Variants in CEP162 observed in about 807,000 individuals in gnomAD.
CEP162 encodes the protein centrosomal protein of 162 kDa.
CEP162 carries 141 observed loss-of-function variants against 169.2 expected under a neutral mutation model. That is an observed-to-expected ratio of 0.83 (90% CI 0.73 to 0.96). The LOEUF (loss-of-function observed/expected upper bound fraction) is 0.96. Ranked by LOEUF, CEP162 falls within the 40% of genes least tolerant of loss-of-function variation. The pLI, the probability that CEP162 is intolerant of heterozygous loss-of-function variation, is 0.00. For synonymous variants in CEP162, 540 were observed against 526.4 expected, an observed-to-expected ratio of 1.03 and a Z score of -0.35; for missense variants, 1,600 against 1,587.2, an observed-to-expected ratio of 1.01 and a Z score of -0.14.
At chr6:84,126,258 A>C in intron 26 of CEP162, 120 bp downstream of exon 26, 1 of 611,688 alleles carries the variant, frequency 1.6e-6, no homozygotes, top group South Asian at 5.8e-5. Flanking sequence ...TTTTAACAAG[A>C]TCAAAATACA....
intron 21 of CEP162, among the ~76,000 whole-genome samples, chr6:84,157,452 A>G (rs1460797500): frequency 3.9e-5 from 6 of 152,152 alleles, no homozygotes. Context: ...CGGGTGGATC[A>G]CTTGAGGTCA....
At chr6:84,158,745 T>G (rs181938552) in intron 21 of CEP162, among the ~76,000 whole-genome samples, 1 of 152,134 alleles carries the variant, frequency 6.6e-6, no homozygotes, top group Admixed American at 6.5e-5. Flanking sequence ...GTTTTATAAA[T>G]GTAACATTTT....
rs946831925 is a variant in CEP162 at position 84,144,034 on chromosome 6, C to A, written c.3870+2653G>T. Among the ~76,000 whole-genome samples, 5 of 151,876 alleles carry A rather than the reference C, an allele frequency of 3.3e-5. No homozygotes were observed. The East Asian group carries it at 9.6e-4, about 29-fold the overall frequency. On this transcript the variant is annotated intron_variant, in intron 25 of 26. Coordinates refer to ENST00000403245, the MANE Select transcript of CEP162 (RefSeq NM_014895.4). ...GTATTGTTTCATAATGACCTGTGAT[C>A]CTATTTAATCAAATGTTTTAAACTT...
intron 25 of CEP162, among the ~76,000 whole-genome samples, chr6:84,128,301 T>C (rs2099509756): frequency 6.6e-6 from 1 of 152,202 alleles, no homozygotes; most frequent in South Asian, 2.1e-4. Context: ...AATATGTACA[T>C]ATATTTTAAA....
intron 6 of CEP162, among the ~76,000 whole-genome samples, chr6:84,205,100 A>G (rs1043081716): frequency 6.6e-6 from 1 of 152,192 alleles, no homozygotes; most frequent in Non-Finnish European, 1.5e-5. Flanking sequence ...CCAACCAAAA[A>G]AAGTCCAGGA....
chr6:84,221,591 G>A (rs993467677), intron 2 of CEP162, among the ~76,000 whole-genome samples: 1 of 152,078 alleles, frequency 6.6e-6, no homozygotes, highest in African/African-American at 2.4e-5. Flanking sequence ...GTGTAAAGAG[G>A]AGGATGAAAT....
intron 22 of CEP162, among the ~76,000 whole-genome samples, chr6:84,154,359 TCTATCTATCTATCTATCTAC>T (rs1157123912): frequency 1.4e-5 from 2 of 143,146 alleles, no homozygotes; most frequent in East Asian, 2.0e-4. Flanking sequence ...TGTCTGTCTG[TCTATCTATCTATCTATCTAC>T]CTATCTATCT....
At chr6:84,213,914 T>G (rs1470870615) in intron 5 of CEP162, among the ~76,000 whole-genome samples, 1 of 152,190 alleles carries the variant, frequency 6.6e-6, no homozygotes, top group Non-Finnish European at 1.5e-5. Context: ...ATGCTGATCA[T>G]TTTTCACCAT....
Position 84,171,699 on chromosome 6 carries a change from T to C in CEP162, c.2186A>G (p.Asn729Ser), listed in dbSNP as rs779276550. 7 of 1,497,494 alleles carry C rather than the reference T, an allele frequency of 4.7e-6. No individual in the cohort carries two copies. In the African/African-American group the frequency reaches 9.8e-5, roughly 21 times the overall value. 92.8% of individuals were successfully genotyped at this position (1,497,494 alleles called of 1,614,324 possible). The change falls in exon 17 of 27, where the codon AAT becomes AGT. Residue 729 changes from asparagine (N) to serine (S), a missense_variant. Coordinates refer to ENST00000403245, the MANE Select transcript of CEP162 (RefSeq NM_014895.4). ...GYQQENERLYNQVKDLQEQNK... is the reference protein window; with the variant it reads ...GYQQENERLYSQVKDLQEQNK... ...TTGTTCTTGGAGATCTTTTACTTGA[T>C]TATATAATCGTTCATTTTCCTTTTT...
intron 15 of CEP162, 45 bp from the exon 16 acceptor site, chr6:84,174,233 T>C: frequency 1.3e-6 from 2 of 1,510,342 alleles, no homozygotes; most frequent in Non-Finnish European, 1.8e-6. Context: ...AAGGAAATGA[T>C]AAGGTGAGAA....
intron 25 of CEP162, among the ~76,000 whole-genome samples, chr6:84,135,237 G>A (rs983036522): frequency 2.6e-5 from 4 of 152,086 alleles, no homozygotes; most frequent in African/African-American, 7.2e-5. Flanking sequence ...GACAGAAATA[G>A]CATCAATAAA....
intron 3 of CEP162, among the ~76,000 whole-genome samples, chr6:84,216,474 T>C (rs17187076): frequency 0.038 from 5,763 of 152,246 alleles, 167 homozygotes; most frequent in Admixed American, 0.092. Flanking sequence ...ATGGAATCAG[T>C]GGCTCACTGC....
At chr6:84,192,849 T>C (rs2099540472) in intron 11 of CEP162, among the ~76,000 whole-genome samples, 1 of 152,214 alleles carries the variant, frequency 6.6e-6, no homozygotes, top group African/African-American at 2.4e-5. Context: ...GTCTATGAAA[T>C]AGGGATAATA....
At position 84,146,745 on chromosome 6, in the gene CEP162, TGCA is replaced by T; in HGVS notation, c.3809_3811del (p.Leu1270del). 6.3e-7 allele frequency: 1 copy of T among 1,582,892 alleles called. No individual in the cohort carries two copies. The highest frequency in any genetic ancestry group is 8.6e-7 in the Non-Finnish European group (1 of 1,163,070). On this transcript the variant is annotated inframe_deletion, in exon 25 of 27. Coordinates refer to ENST00000403245, the MANE Select transcript of CEP162 (RefSeq NM_014895.4). ...AACTACGAGAGACTCTTGTTTACTC[TGCA>T]GCTCATTAACTTGACTTTGGAAATG...
intron 13 of CEP162, among the ~76,000 whole-genome samples, chr6:84,177,036 T>C (rs1411084289): frequency 6.6e-6 from 1 of 152,216 alleles, no homozygotes; most frequent in Non-Finnish European, 1.5e-5. Flanking sequence ...GGGGATATTT[T>C]ATGTTGTTTG....
At chr6:84,202,527 T>C (rs2099544997) in intron 7 of CEP162, among the ~76,000 whole-genome samples, 3 of 122,148 alleles carry the variant, frequency 2.5e-5, no homozygotes, top group Non-Finnish European at 3.6e-5. Context: ...TCTTTTTTTT[T>C]TTTTTTTTTT....
chr6:84,200,011 G>A (rs2099543812), intron 9 of CEP162, among the ~76,000 whole-genome samples: 1 of 152,204 alleles, frequency 6.6e-6, no homozygotes, highest in Non-Finnish European at 1.5e-5. Flanking sequence ...AGCACTTTGG[G>A]AGGCTGAGGC....
At chr6:84,182,190 T>C (rs2099535157) in intron 13 of CEP162, among the ~76,000 whole-genome samples, 1 of 152,100 alleles carries the variant, frequency 6.6e-6, no homozygotes, top group African/African-American at 2.4e-5. Context: ...ATTATATAAG[T>C]ATATACATAG....
intron 9 of CEP162, among the ~76,000 whole-genome samples, chr6:84,196,413 G>A (rs760400368): frequency 1.3e-4 from 20 of 152,078 alleles, no homozygotes; most frequent in Middle Eastern, 3.2e-3. Flanking sequence ...TTAGTCTTGG[G>A]TATGTCTTTA....
Sources: gnomAD v4.1 joint callset for allele counts (sites outside exome capture counted in the v4.1 genomes callset) on GRCh38, gnomAD v4.1.1 for gene constraint, MANE v1.5 for transcripts, NCBI Gene and HGNC (gene_info 2026-07-23, HGNC 2026-07-21) for gene names.